The following SLC8A1 variants were observed in gnomAD, a reference collection of about 807,000 sequenced individuals.
SLC8A1 encodes the protein sodium/calcium exchanger 1.
SLC8A1 carries 18 observed loss-of-function variants against 68.3 expected under a neutral mutation model. The ratio of observed to expected loss-of-function variants is 0.26; its 90% CI spans 0.18 to 0.39. The LOEUF (loss-of-function observed/expected upper bound fraction) is 0.39. Ranked by LOEUF, SLC8A1 falls within the 10% of genes least tolerant of loss-of-function variation. The probability of loss-of-function intolerance (pLI) is 1.00; values close to 1 mark genes in which losing one functional copy is unlikely to be tolerated. For synonymous variants in SLC8A1, 475 were observed against 415.5 expected (o/e 1.14, Z -1.74); for missense variants, 985 against 1,156.7 (o/e 0.85, Z 2.15).
intron 2 of SLC8A1, among the ~76,000 whole-genome samples, chr2:40,185,856 ATGTT>A (rs1216666843): frequency 6.6e-6 from 1 of 152,178 alleles, no homozygotes; most frequent in Non-Finnish European, 1.5e-5. Flanking sequence ...GGTTGTCAGA[ATGTT>A]TGGAGTTTTC....
At chr2:40,193,733 A>G (rs1351809968) in intron 2 of SLC8A1, among the ~76,000 whole-genome samples, 1 of 152,086 alleles carries the variant, frequency 6.6e-6, no homozygotes, top group Non-Finnish European at 1.5e-5. Context: ...TAACTCTAGA[A>G]TAAAGCTTGT....
chr2:40,158,323 C>A (rs2044987286), intron 6 of SLC8A1, among the ~76,000 whole-genome samples: 1 of 152,146 alleles, frequency 6.6e-6, no homozygotes. Context: ...GACAAATACT[C>A]AACTTTTGAA....
chr2:40,279,810 C>T (rs1260245551), intron 2 of SLC8A1, among the ~76,000 whole-genome samples: 4 of 152,142 alleles, frequency 2.6e-5, no homozygotes, highest in Non-Finnish European at 5.9e-5. Flanking sequence ...TCACGTGCCC[C>T]CAACATGCAC....
chr2:40,256,178 A>G (rs1011465399), intron 2 of SLC8A1, among the ~76,000 whole-genome samples: 48 of 152,236 alleles, frequency 3.2e-4, no homozygotes, highest in African/African-American at 1.1e-3. Flanking sequence ...TAAAATGAAC[A>G]TCCGGTGATA....
At chr2:40,172,905 G>C (rs1053166523) in intron 4 of SLC8A1, among the ~76,000 whole-genome samples, 1 of 152,136 alleles carries the variant, frequency 6.6e-6, no homozygotes, top group Non-Finnish European at 1.5e-5. Flanking sequence ...TCGCGCCACT[G>C]TACTCCAGCC....
chr2:40,232,144 G>C (rs2059732692), intron 2 of SLC8A1, among the ~76,000 whole-genome samples: 1 of 152,096 alleles, frequency 6.6e-6, no homozygotes, highest in Non-Finnish European at 1.5e-5. Flanking sequence ...CAAAGGATCA[G>C]GATCTAGTAA....
rs565538543 is a variant in SLC8A1 at position 40,398,694 on chromosome 2, T to C, written c.1808+29779A>G. Among the ~76,000 whole-genome samples the C allele has an allele frequency of 2.2e-3, 339 of 152,348 alleles. 1 individual carries two copies. The highest frequency in any genetic ancestry group is 7.6e-3 in the African/African-American group (315 of 41,578). On this transcript the variant is annotated intron_variant, in intron 2 of 7. Transcript: ENST00000406785. ...GTAAATAATTATTCATTTGAAACATTCTTTTAAAATGGCTGTATAGTATTT... is the reference window on the plus strand; with the variant it reads ...GTAAATAATTATTCATTTGAAACATCCTTTTAAAATGGCTGTATAGTATTT...
At chr2:40,304,674 G>C (rs1480566204) in intron 2 of SLC8A1, among the ~76,000 whole-genome samples, 1 of 152,072 alleles carries the variant, frequency 6.6e-6, no homozygotes, top group African/African-American at 2.4e-5. Context: ...TCTTGACCCA[G>C]CCACTGCCTC....
chr2:40,256,499 A>G (rs985391372), intron 2 of SLC8A1, among the ~76,000 whole-genome samples: 1 of 152,192 alleles, frequency 6.6e-6, no homozygotes, highest in Non-Finnish European at 1.5e-5. Context: ...GCATAATGGG[A>G]GTGATTCTAT....
At chr2:40,261,200 G>A (rs1251400170) in intron 2 of SLC8A1, among the ~76,000 whole-genome samples, 1 of 152,134 alleles carries the variant, frequency 6.6e-6, no homozygotes, top group Non-Finnish European at 1.5e-5. Context: ...CTGGATGTGT[G>A]GAGATCAATT....
intron 2 of SLC8A1, among the ~76,000 whole-genome samples, chr2:40,182,384 T>A (rs988196889): frequency 1.3e-5 from 2 of 152,200 alleles, no homozygotes; most frequent in African/African-American, 4.8e-5. Flanking sequence ...AAACTGTGGT[T>A]TCTGGAAACT....
chr2:40,263,904 G>A (rs2065026833), intron 2 of SLC8A1, among the ~76,000 whole-genome samples: 1 of 152,132 alleles, frequency 6.6e-6, no homozygotes, highest in Non-Finnish European at 1.5e-5. Context: ...CCATCAGAGT[G>A]AACAGGCAAC....
chr2:40,346,640 A>G (rs1669410362), intron 2 of SLC8A1, among the ~76,000 whole-genome samples: 1 of 152,192 alleles, frequency 6.6e-6, no homozygotes, highest in Non-Finnish European at 1.5e-5. Context: ...TACAGTCCCA[A>G]AAATGGAATG....
At chr2:40,434,415 A>C (rs1270483759) in intron 1 of SLC8A1, among the ~76,000 whole-genome samples, 1 of 152,150 alleles carries the variant, frequency 6.6e-6, no homozygotes, top group Non-Finnish European at 1.5e-5. Context: ...TCTAAATGTG[A>C]GTTCCTTCTT....
At chr2:40,301,805 T>G (rs369767697) in intron 2 of SLC8A1, among the ~76,000 whole-genome samples, 2 of 152,128 alleles carry the variant, frequency 1.3e-5, no homozygotes, top group African/African-American at 4.8e-5. Context: ...ATGAGTAAGT[T>G]CTTTAGTGGT....
chr2:40,182,065 T>C (rs1242722394), intron 2 of SLC8A1, among the ~76,000 whole-genome samples: 6 of 152,202 alleles, frequency 3.9e-5, no homozygotes, highest in Non-Finnish European at 8.8e-5. Context: ...CACAGGACTT[T>C]TGCACTGTCA....
intron 2 of SLC8A1, among the ~76,000 whole-genome samples, chr2:40,415,963 G>C (rs1559590845): frequency 6.6e-6 from 1 of 150,480 alleles, no homozygotes; most frequent in African/African-American, 2.5e-5. Context: ...TTAGGAGGCT[G>C]AGGCAGGAGA....
At chr2:40,171,821 G>A (rs2047541177) in intron 4 of SLC8A1, among the ~76,000 whole-genome samples, 1 of 152,220 alleles carries the variant, frequency 6.6e-6, no homozygotes, top group African/African-American at 2.4e-5. Flanking sequence ...GGAAGGTCAA[G>A]GGGGAATGAG....
intron 2 of SLC8A1, among the ~76,000 whole-genome samples, chr2:40,268,212 T>G (rs1163209417): frequency 6.6e-6 from 1 of 152,140 alleles, no homozygotes; most frequent in Non-Finnish European, 1.5e-5. Context: ...CAGTGTCCTT[T>G]GAGTGTAGTA....
Sources: gnomAD v4.1 joint callset for allele counts (sites outside exome capture counted in the v4.1 genomes callset) on GRCh38, gnomAD v4.1.1 for gene constraint, MANE v1.5 for transcripts, NCBI Gene and HGNC (gene_info 2026-07-23, HGNC 2026-07-21) for gene names.